Variants in LAMA3 observed in about 807,000 individuals in gnomAD.
LAMA3 encodes laminin subunit alpha-3.
In LAMA3, 281 loss-of-function variants were observed where a neutral mutation model predicts 402.0. The observed-to-expected ratio is 0.70, with a 90% CI of 0.63 to 0.77. The LOEUF (loss-of-function observed/expected upper bound fraction) is 0.77. LAMA3 is among the 30% of genes least tolerant of loss of function. The pLI is 0.00. For synonymous variants in LAMA3, 1,431 were observed against 1,558.4 expected (o/e 0.92, Z 1.93); for missense variants, 3,840 against 4,215.5 (o/e 0.91, Z 2.47).
At chr18:23,834,225 A>G (rs942564151) in intron 24 of LAMA3, 2 of 517,934 alleles carry the variant, frequency 3.9e-6, no homozygotes, top group East Asian at 3.6e-5. Flanking sequence ...GTACTTAGCA[A>G]TTTGGTTCAG....
intron 55 of LAMA3, among the ~76,000 whole-genome samples, chr18:23,910,190 G>A (rs939735233): frequency 1.3e-5 from 2 of 152,156 alleles, no homozygotes; most frequent in African/African-American, 2.4e-5. Context: ...GTGTATTATA[G>A]CACAGTGGTT....
intron 63 of LAMA3, 61 bp downstream of exon 63, chr18:23,928,301 C>T (rs2082067267): frequency 1.9e-6 from 2 of 1,059,944 alleles, no homozygotes; most frequent in Non-Finnish European, 2.9e-6. Context: ...CTTCCGTATC[C>T]ATTAACGCAG....
At chr18:23,708,285 C>T (rs1231797223) in intron 1 of LAMA3, among the ~76,000 whole-genome samples, 1 of 152,110 alleles carries the variant, frequency 6.6e-6, no homozygotes, top group Non-Finnish European at 1.5e-5. Context: ...ATAATAAGCC[C>T]CGATTCCTTG....
chr18:23,698,600 T>A (rs139220797), intron 1 of LAMA3, among the ~76,000 whole-genome samples: 90 of 152,360 alleles, frequency 5.9e-4, no homozygotes, highest in Middle Eastern at 6.8e-3. Flanking sequence ...TTGACCGCTT[T>A]AACAGCTGGA....
chr18:23,784,187 A>T, intron 12 of LAMA3, 30 bp downstream of exon 12: 1 of 1,613,448 alleles, frequency 6.2e-7, no homozygotes, highest in Non-Finnish European at 8.5e-7. Flanking sequence ...CATATTCATA[A>T]TCAATCCCTC....
intron 44 of LAMA3, chr18:23,898,509 T>A: frequency 1.8e-6 from 1 of 568,280 alleles, no homozygotes. Flanking sequence ...GTGAAGTAGC[T>A]CTTATCTCTT....
intron 25 of LAMA3, 140 bp downstream of exon 25, chr18:23,837,229 A>G: frequency 1.5e-6 from 1 of 686,714 alleles, no homozygotes; most frequent in Admixed American, 2.1e-5. Flanking sequence ...TATTCTTCCC[A>G]TCTAGAACCT....
intron 1 of LAMA3, among the ~76,000 whole-genome samples, chr18:23,705,985 C>CT (rs1283989425): frequency 6.6e-6 from 1 of 152,018 alleles, no homozygotes; most frequent in African/African-American, 2.4e-5. Flanking sequence ...TAATACTTTG[C>CT]TTTTTTAGTA....
chr18:23,850,093 T>C (rs939005946), intron 32 of LAMA3, among the ~76,000 whole-genome samples: 6 of 152,220 alleles, frequency 3.9e-5, no homozygotes, highest in African/African-American at 9.6e-5. Context: ...TAGAGGAGTC[T>C]AAAGCTCATG....
intron 35 of LAMA3, among the ~76,000 whole-genome samples, chr18:23,862,494 A>C (rs918367071): frequency 6.6e-6 from 1 of 152,162 alleles, no homozygotes; most frequent in Non-Finnish European, 1.5e-5. Flanking sequence ...CCAAATTCTC[A>C]CATTAGGAAG....
chr18:23,939,319 C>T lies in LAMA3; in HGVS notation c.8959C>T (p.Leu2987Phe). 1 of 1,614,218 alleles carries T rather than the reference C, an allele frequency of 6.2e-7. No homozygotes were observed. Among genetic ancestry groups the T allele is most frequent in the Non-Finnish European group, 8.5e-7 (1 of 1,180,024 alleles). ...CAAGACCCAGGCCAATCATGGAGCC[C>T]TCCAGTTTGGGGACATTCCCACCAG... ...LPKTQANHGA[L>F]QFGDIPTSHL... Residue 2987 changes from leucine (L) to phenylalanine (F), a missense_variant, in exon 68 of 75, where the codon CTC becomes TTC. Transcript: ENST00000313654.
chr18:23,914,026 C>G (rs1237493319), intron 56 of LAMA3, among the ~76,000 whole-genome samples: 1 of 152,146 alleles, frequency 6.6e-6, no homozygotes, highest in Non-Finnish European at 1.5e-5. Flanking sequence ...GGTGTGACAA[C>G]AGAGGCATGC....
At chr18:23,767,817 C>A (rs935028593) in intron 8 of LAMA3, among the ~76,000 whole-genome samples, 1 of 152,016 alleles carries the variant, frequency 6.6e-6, no homozygotes, top group Admixed American at 6.5e-5. Flanking sequence ...AGGTGACCCA[C>A]CCGCTTCAGC....
At chr18:23,878,463 T>C (rs1453684190) in intron 39 of LAMA3, among the ~76,000 whole-genome samples, 2 of 152,200 alleles carry the variant, frequency 1.3e-5, no homozygotes, top group Non-Finnish European at 2.9e-5. Flanking sequence ...AGGCTTGCTG[T>C]CTAGTAGGCA....
intron 52 of LAMA3, 53 bp from the exon 53 acceptor site, chr18:23,907,497 G>A (rs1475444894): frequency 7.8e-7 from 1 of 1,277,242 alleles, no homozygotes. Context: ...AAATACCAAT[G>A]GAGGATCAAA....
At chr18:23,697,881 T>G (rs1487902592) in intron 1 of LAMA3, among the ~76,000 whole-genome samples, 1 of 151,930 alleles carries the variant, frequency 6.6e-6, no homozygotes, top group East Asian at 1.9e-4. Context: ...GTCTAAGGCA[T>G]GGGTATGGCT....
intron 1 of LAMA3, among the ~76,000 whole-genome samples, chr18:23,698,983 C>T (rs1489844682): frequency 6.6e-6 from 1 of 151,504 alleles, no homozygotes; most frequent in Non-Finnish European, 1.5e-5. Flanking sequence ...CGGTGGCTCA[C>T]GCCTGTAATC....
intron 2 of LAMA3, among the ~76,000 whole-genome samples, chr18:23,735,677 C>T (rs1170406509): frequency 6.6e-6 from 1 of 152,184 alleles, no homozygotes; most frequent in Non-Finnish European, 1.5e-5. Flanking sequence ...ACTCCTCACG[C>T]CAACCTTGCG....
At chr18:23,847,399 T>C (rs2063840294) in intron 31 of LAMA3, 65 bp from the exon 32 acceptor site, 7 of 1,532,198 alleles carry the variant, frequency 4.6e-6, no homozygotes, top group Non-Finnish European at 6.3e-6. Flanking sequence ...TGGCAGTTGG[T>C]GGAGTGCTGC....
Sources: gnomAD v4.1 joint callset for allele counts (sites outside exome capture counted in the v4.1 genomes callset) on GRCh38, gnomAD v4.1.1 for gene constraint, MANE v1.5 for transcripts, NCBI Gene and HGNC (gene_info 2026-07-23, HGNC 2026-07-21) for gene names.